PIK3C2B: variants seen among roughly 807,000 people sequenced by gnomAD.
The protein encoded by PIK3C2B is phosphatidylinositol 4-phosphate 3-kinase C2 domain-containing subunit beta.
Under a neutral mutation model 184.3 loss-of-function variants are expected in PIK3C2B, and 83 were observed. The observed-to-expected ratio is 0.45, with a 90% CI of 0.38 to 0.54. PIK3C2B has a LOEUF of 0.54. Among genes scored for constraint, PIK3C2B ranks in the 20% least tolerant of loss-of-function variants. The pLI, the probability that PIK3C2B is intolerant of heterozygous loss-of-function variation, is 0.00. For missense variants in PIK3C2B, 1,736 were observed against 2,113.5 expected, an observed-to-expected ratio of 0.82 and a Z score of 3.50; for synonymous variants, 779 against 837.6, an observed-to-expected ratio of 0.93 and a Z score of 1.21.
At position 204,432,248 on chromosome 1, in the gene PIK3C2B, A is replaced by T. The variant is rs190416054; in HGVS notation, c.4107T>A (p.Asp1369Glu). 17 of 1,614,128 alleles carry T rather than the reference A, an allele frequency of 1.1e-5. No homozygotes were observed. Among genetic ancestry groups the T allele is most frequent in the Admixed American group, 1.0e-4 (6 of 60,016 alleles). Residue 1369 changes from aspartate to glutamate, a missense_variant, in exon 27 of 33, where the codon GAT (aspartate) becomes GAA (glutamate). By Grantham distance (45) the Asp-to-Glu change is conservative. Coordinates refer to ENST00000684373, the MANE Select transcript of PIK3C2B (RefSeq NM_001377334.1). The part of the protein sequence containing the change: ...HTLKSSGRIS[D>E]VFLCRHEKIF... ...TCTTCTCATGGCGGCAGAGGAAAACATCACTGATTCGGCCAGAGCTCTTGA... is the reference window on the plus strand; with the variant it reads ...TCTTCTCATGGCGGCAGAGGAAAACTTCACTGATTCGGCCAGAGCTCTTGA...
intron 23 of PIK3C2B, among the ~76,000 whole-genome samples, chr1:204,436,923 T>C (rs970237784): frequency 6.6e-6 from 1 of 152,114 alleles, no homozygotes; most frequent in Non-Finnish European, 1.5e-5. Flanking sequence ...ATGTATAGCA[T>C]AGAGTGGCAG....
chr1:204,467,964 T>C (rs1044589626), intron 2 of PIK3C2B, among the ~76,000 whole-genome samples: 10 of 152,238 alleles, frequency 6.6e-5, no homozygotes, highest in African/African-American at 2.4e-4. Context: ...GAGATGCTGC[T>C]GAAGCTCCCC....
intron 1 of PIK3C2B, among the ~76,000 whole-genome samples, chr1:204,485,869 T>A (rs1657546141): frequency 6.6e-6 from 1 of 152,164 alleles, no homozygotes; most frequent in South Asian, 2.1e-4. Context: ...CTGCACCCTT[T>A]TATTCATGGG....
At chr1:204,472,001 G>A (rs1656322300) in intron 1 of PIK3C2B, among the ~76,000 whole-genome samples, 1 of 151,914 alleles carries the variant, frequency 6.6e-6, no homozygotes, top group South Asian at 2.1e-4. Flanking sequence ...AGCCACACTG[G>A]ATCTCCAGGC....
At position 204,430,424 on chromosome 1, in the gene PIK3C2B, C is replaced by T. The variant is rs184349357; in HGVS notation, c.4281-386G>A. Among the ~76,000 whole-genome samples, 74 of 152,172 alleles carry T rather than the reference C, an allele frequency of 4.9e-4. 1 individual carries two copies. The highest frequency in any genetic ancestry group is 9.3e-4 in the Non-Finnish European group (63 of 67,988). ...ACAGTGGCGCAATCTCGGCTCACTG[C>T]AACCTCCACCACCCGGGTTCAAGCG... On this transcript the variant is annotated intron_variant, in intron 28 of 32. Coordinates refer to ENST00000684373, the MANE Select transcript of PIK3C2B (RefSeq NM_001377334.1).
chr1:204,459,822 G>T (rs1655176039), intron 8 of PIK3C2B, 56 bp downstream of exon 8: 1 of 1,415,602 alleles, frequency 7.1e-7, no homozygotes, highest in East Asian at 2.3e-5. Context: ...GAGGACTGAG[G>T]AAGGGGAGAG....
At position 204,489,927 on chromosome 1, in the gene PIK3C2B, G is replaced by A. The variant is rs965544478; in HGVS notation, c.-85+4429C>T. On this transcript the variant is annotated intron_variant, in intron 1 of 32. Transcript: ENST00000684373. Reference sequence around the variant, plus strand: ...TAACTTACGGTTTGCTGCAAAGGACGCCATCTAGTATGAGAGAAAGAGAGA... The same window carrying A: ...TAACTTACGGTTTGCTGCAAAGGACACCATCTAGTATGAGAGAAAGAGAGA... 1.2e-4 allele frequency: 46 copies of A among 395,694 alleles called. 1 individual carries two copies. In the South Asian group the frequency reaches 2.0e-3, roughly 17 times the overall value. 24.5% of individuals were successfully genotyped at this position (395,694 alleles called of 1,614,324 possible). A position where few individuals can be genotyped will look rare whatever the true frequency, so the allele number is the denominator to read the frequency against.
chr1:204,433,162 G>A lies in PIK3C2B; in HGVS notation c.3953+154C>T, dbSNP rs992440963. ...AAGCAAAATGATTTACCTAAATCAC[G>A]GGCAAAGTTGGGACAATGTATCCAC... On this transcript the variant is annotated intron_variant, in intron 26 of 32. Transcript: ENST00000684373. This position sits in a 1 kb window ranked among gnomAD's most constrained non-coding sequence, Gnocchi z 5.0. Among the ~76,000 whole-genome samples the A allele has an allele frequency of 5.3e-5, 8 of 152,182 alleles. No homozygotes were observed. Among genetic ancestry groups the A allele is most frequent in the South Asian group, 2.1e-4 (1 of 4,828 alleles).
intron 18 of PIK3C2B, 101 bp from the exon 19 acceptor site, chr1:204,443,698 C>A (rs1653580978): frequency 9.7e-7 from 1 of 1,029,818 alleles, no homozygotes; most frequent in Non-Finnish European, 1.5e-6. Context: ...ACTGCAAAAC[C>A]CACCCCGAAC....
At chr1:204,427,915 G>T (rs955248538) in intron 30 of PIK3C2B, among the ~76,000 whole-genome samples, 161 bp from the exon 31 acceptor site, 1 of 152,200 alleles carries the variant, frequency 6.6e-6, no homozygotes, top group South Asian at 2.1e-4. Context: ...ATTGGGTTGG[G>T]ATGGGTCTAA....
At chr1:204,464,285 G>A (rs1233935767) in intron 4 of PIK3C2B, among the ~76,000 whole-genome samples, 153 bp from the exon 5 acceptor site, 1 of 152,158 alleles carries the variant, frequency 6.6e-6, no homozygotes, top group Non-Finnish European at 1.5e-5. Context: ...TGAGGAAAGT[G>A]ACTGTACTAG....
At position 204,424,802 on chromosome 1, in the gene PIK3C2B, C is replaced by T; in HGVS notation, c.*50G>A. On this transcript the variant is annotated 3_prime_UTR_variant, in exon 33 of 33. Coordinates refer to ENST00000684373, the MANE Select transcript of PIK3C2B (RefSeq NM_001377334.1). ...GAGTCTCACAGGGGAGAGTCCTCTC[C>T]CCCAGCTCCTGCCACCAGCCTGGGA... 6.3e-7 allele frequency: 1 copy of T among 1,584,128 alleles called. No homozygotes were observed. Among genetic ancestry groups the T allele is most frequent in the South Asian group, 1.1e-5 (1 of 90,422 alleles).
chr1:204,426,089 C>T (rs976777234), intron 31 of PIK3C2B, among the ~76,000 whole-genome samples: 2 of 152,184 alleles, frequency 1.3e-5, no homozygotes, highest in African/African-American at 4.8e-5. Context: ...GTCATTTGGT[C>T]CACTTAACCC....
At position 204,445,967 on chromosome 1, in the gene PIK3C2B, G is replaced by A; in HGVS notation, c.2667C>T (p.Leu889=). ...THMNHQDALG[L]LHATFPDQEV... The stretch of plus-strand genomic sequence containing the variant: ...ATGTTACAACTCACGTGGCATGCAG[G>A]AGCCCCAGGGCATCCTGGTGGTTCA... Residue 889 remains leucine (L), a synonymous_variant, in exon 16 of 33, where the codon CTC becomes CTT. Transcript: ENST00000684373. 2 of 1,530,804 alleles carry A rather than the reference G, an allele frequency of 1.3e-6. No homozygotes were observed. The highest frequency in any genetic ancestry group is 1.8e-6 in the Non-Finnish European group (2 of 1,130,882). The allele number at this position is 1,530,804 out of a possible 1,614,324, so 94.8% of individuals were successfully genotyped here.
In PIK3C2B at chr1:204,468,998, T is replaced by C. The variant is rs751035755; in HGVS notation, c.805A>G (p.Thr269Ala). Residue 269 changes from threonine to alanine, a missense_variant, in exon 2 of 33, where the codon ACC becomes GCC. Physicochemically the swap from Thr to Ala is moderately conservative, Grantham distance 58 (BLOSUM62 0). Transcript: ENST00000684373. ...GRGPLDFSKD[T>A]SGKPVARSKT... The stretch of plus-strand genomic sequence containing the variant: ...CTCCTGGCCACGGGTTTTCCAGAGG[T>C]GTCTTTGCTGAAGTCCAGCGGCCCT... 45 of 1,613,892 alleles carry C rather than the reference T, an allele frequency of 2.8e-5. No individual in the cohort carries two copies. Among genetic ancestry groups the C allele is most frequent in the Non-Finnish European group, 3.6e-5 (43 of 1,180,004 alleles).
chr1:204,442,419 T>C, intron 20 of PIK3C2B, 107 bp downstream of exon 20: 1 of 704,714 alleles, frequency 1.4e-6, no homozygotes, highest in South Asian at 1.7e-5. Context: ...AGCAACATAC[T>C]GACGCCCAGA....
intron 12 of PIK3C2B, among the ~76,000 whole-genome samples, chr1:204,453,533 GA>G (rs1558253143): frequency 6.6e-6 from 1 of 152,132 alleles, no homozygotes; most frequent in Non-Finnish European, 1.5e-5. Context: ...AAAGAATAGA[GA>G]GAAAGTAGTA....
At chr1:204,474,408 A>G (rs1342002570) in intron 1 of PIK3C2B, among the ~76,000 whole-genome samples, 2 of 152,036 alleles carry the variant, frequency 1.3e-5, no homozygotes, top group African/African-American at 4.8e-5. Context: ...ACTCATTGTA[A>G]TCTGGTGTCT....
At chr1:204,437,410 G>A (rs1003621974) in intron 23 of PIK3C2B, among the ~76,000 whole-genome samples, 2 of 152,114 alleles carry the variant, frequency 1.3e-5, no homozygotes, top group Non-Finnish European at 2.9e-5. Context: ...CAGGAGAATC[G>A]CTTGAATCCA....
Sources: allele counts gnomAD v4.1 joint callset (sites outside exome capture counted in the v4.1 genomes callset), GRCh38; gene constraint gnomAD v4.1.1; non-coding constraint Gnocchi (gnomAD v3.1); transcripts MANE v1.5; gene names NCBI Gene and HGNC (gene_info 2026-07-23, HGNC 2026-07-21).